Variants in FAM162B observed in about 807,000 individuals in gnomAD.
FAM162B encodes the protein family with sequence similarity 162 member B, also known as protein FAM162B.
In FAM162B, 16 loss-of-function variants were observed where a neutral mutation model predicts 20.0. The observed-to-expected ratio is 0.80, with a 90% CI of 0.54 to 1.21. FAM162B has a LOEUF of 1.21. Among genes scored for constraint, FAM162B ranks in the 50% most tolerant of loss-of-function variants. The pLI, the probability that FAM162B is intolerant of heterozygous loss-of-function variation, is 0.00. For synonymous variants in FAM162B, 83 were observed against 89.7 expected (o/e 0.93, Z 0.42); for missense variants, 260 against 227.5 (o/e 1.14, Z -0.92).
intron 3 of FAM162B, 65 bp downstream of exon 3, chr6:116,761,912 A>G: frequency 8.4e-7 from 1 of 1,192,674 alleles, no homozygotes. Flanking sequence ...ATACTCTTTT[A>G]GGGAGGTACT....
intron 3 of FAM162B, among the ~76,000 whole-genome samples, chr6:116,757,139 G>A (rs1244208994): frequency 6.6e-6 from 1 of 152,160 alleles, no homozygotes; most frequent in African/African-American, 2.4e-5. Flanking sequence ...AAGAACATCA[G>A]GGAGGGTAAG....
In FAM162B at chr6:116,752,755, T is replaced by TATACAC. The variant is rs141678188; in HGVS notation, c.391-61_391-60insGTGTAT. 3.6e-3 allele frequency: 1,548 copies of TATACAC among 432,836 alleles called. 42 individuals are homozygous for TATACAC. The highest frequency in any genetic ancestry group is 0.032 in the African/African-American group (1,280 of 40,430). 26.8% of individuals were successfully genotyped at this position (432,836 alleles called of 1,614,324 possible). A position where few individuals can be genotyped will look rare whatever the true frequency, so the allele number is the denominator to read the frequency against. ...ATATAGATACACGTATATATATATA[T>TATACAC]ATACATATATGTATATATATCTCAC... is the stretch of plus-strand genomic sequence containing the variant. On this transcript the variant is annotated intron_variant, in intron 3 of 3. Coordinates refer to ENST00000368557, the MANE Select transcript of FAM162B (RefSeq NM_001085480.3).
chr6:116,765,175 A>G lies in FAM162B; in HGVS notation c.253T>C (p.Ser85Pro). The G allele has an allele frequency of 4.3e-6, 7 of 1,613,754 alleles. No individual in the cohort carries two copies. Among genetic ancestry groups the G allele is most frequent in the Non-Finnish European group, 5.9e-6 (7 of 1,179,934 alleles). Reference protein sequence around the residue: ...KILLWTGRFKSMEEIPPRIPP... With the variant: ...KILLWTGRFKPMEEIPPRIPP... ...ATCCGAGGCGGGATCTCCTCCATCGATTTGAAACGCCCTGTCCACAGCAGG... is the reference window on the plus strand; with the variant it reads ...ATCCGAGGCGGGATCTCCTCCATCGGTTTGAAACGCCCTGTCCACAGCAGG... The change falls in exon 2 of 4, where the codon TCG becomes CCG. Residue 85 changes from serine (S) to proline (P), a missense_variant. By Grantham distance (74) the Ser-to-Pro change is moderately conservative. Coordinates refer to ENST00000368557, the MANE Select transcript of FAM162B (RefSeq NM_001085480.3).
At chr6:116,764,521 T>A (rs1301706242) in intron 2 of FAM162B, among the ~76,000 whole-genome samples, 3 of 152,138 alleles carry the variant, frequency 2.0e-5, no homozygotes, top group African/African-American at 7.2e-5. Context: ...GTTTGAGTTT[T>A]ATCATCTGTC....
intron 3 of FAM162B, among the ~76,000 whole-genome samples, chr6:116,756,256 A>G (rs1780049735): frequency 6.6e-6 from 1 of 152,180 alleles, no homozygotes; most frequent in African/African-American, 2.4e-5. Context: ...GCTGATTCCA[A>G]TCCTCATAGA....
At chr6:116,765,292 A>G in intron 1 of FAM162B, 37 bp from the exon 2 acceptor site, 1 of 1,604,430 alleles carries the variant, frequency 6.2e-7, no homozygotes. Context: ...GCGGGAACTG[A>G]CGCACCGGCA....
At chr6:116,756,216 G>A (rs665698) in intron 3 of FAM162B, among the ~76,000 whole-genome samples, 49,780 of 152,046 alleles carry the variant, frequency 0.33, 10,022 homozygotes, top group Middle Eastern at 0.59. Context: ...ATCATAGGAA[G>A]AGGTCAATAT....
chr6:116,762,101 T>C lies in FAM162B; in HGVS notation c.282-16A>G. 6.6e-7 allele frequency: 1 copy of C among 1,526,496 alleles called. No homozygotes were observed. The highest frequency in any genetic ancestry group is 1.2e-5 in the South Asian group (1 of 80,250). 94.6% of individuals were successfully genotyped at this position (1,526,496 alleles called of 1,614,324 possible). On this transcript the variant is annotated splice_polypyrimidine_tract_variant and intron_variant, in intron 2 of 3. Transcript: ENST00000368557. ...CATTTCTGGCCTAAACAAAGATGTG[T>C]ATTTTGTTAAATATGTAAAAGTAAT...
intron 3 of FAM162B, among the ~76,000 whole-genome samples, chr6:116,757,837 T>C (rs648210): frequency 0.33 from 49,664 of 151,154 alleles, 10,005 homozygotes; most frequent in Middle Eastern, 0.6. Context: ...GTATCATTGG[T>C]GACCTTGATA....
intron 2 of FAM162B, 38 bp from the exon 3 acceptor site, chr6:116,762,123 T>C: frequency 2.0e-6 from 3 of 1,466,534 alleles, no homozygotes; most frequent in Non-Finnish European, 2.8e-6. Context: ...TATGTAAAAG[T>C]AATATGGTTT....
intron 3 of FAM162B, among the ~76,000 whole-genome samples, chr6:116,753,670 T>C (rs1249522930): frequency 6.6e-6 from 1 of 152,192 alleles, no homozygotes; most frequent in Non-Finnish European, 1.5e-5. Context: ...ACTGACTATA[T>C]GAATTTGAAG....
At chr6:116,756,235 G>GTTCGGACGAAGCTGA (rs1330418508) in intron 3 of FAM162B, among the ~76,000 whole-genome samples, 1 of 152,190 alleles carries the variant, frequency 6.6e-6, no homozygotes, top group African/African-American at 2.4e-5. Flanking sequence ...ATTAATAGGA[G>GTTCGGACGAAGCTGA]TTCGGACGAA....
At chr6:116,757,041 C>T (rs2114548497) in intron 3 of FAM162B, among the ~76,000 whole-genome samples, 1 of 152,230 alleles carries the variant, frequency 6.6e-6, no homozygotes, top group Non-Finnish European at 1.5e-5. Flanking sequence ...AATAAAGTCT[C>T]TAAACAATTT....
rs1250323492 is a variant in FAM162B at position 116,755,988 on chromosome 6, AAGG to A, written c.391-3296_391-3294del. Among the ~76,000 whole-genome samples, 3 of 152,206 alleles carry A rather than the reference AAGG, an allele frequency of 2.0e-5. No homozygotes were observed. The East Asian group carries it at 5.8e-4, about 29-fold the overall frequency. Reference sequence around the variant, plus strand: ...CTCAAAAGTTCTTATGGATATTTACAAGGAGATTAATATTTTCATGACTGCTAA... The same window carrying A: ...CTCAAAAGTTCTTATGGATATTTACAAGATTAATATTTTCATGACTGCTAA... On this transcript the variant is annotated intron_variant, in intron 3 of 3. Coordinates refer to ENST00000368557, the MANE Select transcript of FAM162B (RefSeq NM_001085480.3).
At chr6:116,759,797 ACT>A (rs1780117158) in intron 3 of FAM162B, among the ~76,000 whole-genome samples, 1 of 151,562 alleles carries the variant, frequency 6.6e-6, no homozygotes, top group African/African-American at 2.4e-5. Context: ...TGCTCATTAT[ACT>A]CCATCCACAC....
At chr6:116,753,080 G>T (rs1008982625) in intron 3 of FAM162B, among the ~76,000 whole-genome samples, 1 of 151,872 alleles carries the variant, frequency 6.6e-6, no homozygotes, top group Admixed American at 6.6e-5. Context: ...GACATATTTT[G>T]TTCCCCCTGC....
intron 3 of FAM162B, among the ~76,000 whole-genome samples, chr6:116,757,639 C>A (rs1301543713): frequency 6.6e-6 from 1 of 151,398 alleles, no homozygotes; most frequent in Non-Finnish European, 1.5e-5. Flanking sequence ...GTCCCAGATA[C>A]TTAGGAGGCT....
intron 2 of FAM162B, among the ~76,000 whole-genome samples, chr6:116,764,434 G>T (rs1307518181): frequency 6.6e-6 from 1 of 152,126 alleles, no homozygotes; most frequent in Non-Finnish European, 1.5e-5. Context: ...ACTTTGGAAA[G>T]ATTTTTTTAC....
chr6:116,764,935 T>G (rs569067893), intron 2 of FAM162B, among the ~76,000 whole-genome samples: 2 of 152,228 alleles, frequency 1.3e-5, no homozygotes, highest in Non-Finnish European at 2.9e-5. Flanking sequence ...ACCCACCTTC[T>G]GCAATCTCCC....
Sources: allele counts gnomAD v4.1 joint callset (sites outside exome capture counted in the v4.1 genomes callset), GRCh38; gene constraint gnomAD v4.1.1; transcripts MANE v1.5; gene names NCBI Gene and HGNC (gene_info 2026-07-23, HGNC 2026-07-21).